Variants in FBXO15 observed in about 807,000 individuals in gnomAD.
The protein encoded by FBXO15 is F-box protein 15.
In FBXO15, 30 loss-of-function variants were observed where a neutral mutation model predicts 49.5. The ratio of observed to expected loss-of-function variants is 0.61; its 90% CI spans 0.45 to 0.82. The LOEUF is 0.82. Ranked by LOEUF, FBXO15 falls within the 40% of genes least tolerant of loss-of-function variation. The pLI, the probability that FBXO15 is intolerant of heterozygous loss-of-function variation, is 0.00. For missense variants in FBXO15, 591 were observed against 631.5 expected (o/e 0.94, Z 0.69); for synonymous variants, 250 against 232.7 (o/e 1.07, Z -0.68).
At chr18:74,108,857 T>G (rs1913886866) in intron 8 of FBXO15, among the ~76,000 whole-genome samples, 1 of 152,166 alleles carries the variant, frequency 6.6e-6, no homozygotes, top group South Asian at 2.1e-4. Flanking sequence ...GAATTACATC[T>G]GACTTTTCCT....
intron 2 of FBXO15, 57 bp from the exon 3 acceptor site, chr18:74,135,923 C>T (rs1599187300): frequency 1.4e-6 from 2 of 1,391,624 alleles, no homozygotes; most frequent in East Asian, 4.8e-5. Flanking sequence ...GCTTAATCTG[C>T]AGATTACCCA....
At chr18:74,096,615 C>T (rs73969111) in intron 8 of FBXO15, among the ~76,000 whole-genome samples, 7,216 of 149,448 alleles carry the variant, frequency 0.048, 591 homozygotes, top group African/African-American at 0.16. Flanking sequence ...GAAAGAAGAG[C>T]GAACAGGGAG....
At chr18:74,113,052 C>A (rs1391618524) in intron 8 of FBXO15, among the ~76,000 whole-genome samples, 1 of 152,118 alleles carries the variant, frequency 6.6e-6, no homozygotes, top group Non-Finnish European at 1.5e-5. Context: ...TGGAAGCAAC[C>A]AAGATGTCTT....
At chr18:74,089,847 A>C (rs1267081722) in intron 8 of FBXO15, among the ~76,000 whole-genome samples, 1 of 152,052 alleles carries the variant, frequency 6.6e-6, no homozygotes, top group Non-Finnish European at 1.5e-5. Flanking sequence ...TTTGGCATCT[A>C]TGTTCATCAA....
chr18:74,093,794 C>A (rs1014617977), intron 8 of FBXO15, among the ~76,000 whole-genome samples: 1 of 152,296 alleles, frequency 6.6e-6, no homozygotes, highest in Non-Finnish European at 1.5e-5. Flanking sequence ...GATATTTTGA[C>A]CTCCTCCCTT....
chr18:74,097,349 C>T (rs1913322870), intron 8 of FBXO15: 1 of 144,512 alleles, frequency 6.9e-6, no homozygotes, highest in Non-Finnish European at 1.5e-5. Context: ...GTTCTCAGCC[C>T]TGCACAGCCA....
At chr18:74,110,182 C>CATATGTGTGCATATATATATATATAT (rs1568168365) in intron 8 of FBXO15, among the ~76,000 whole-genome samples, 7 of 104,270 alleles carry the variant, frequency 6.7e-5, no homozygotes, top group African/African-American at 2.5e-4. Flanking sequence ...TATATATATA[C>CATATGTGTGCATATATATATATATAT]ACATATGTGT....
At chr18:74,104,540 T>C (rs2145151493) in intron 8 of FBXO15, among the ~76,000 whole-genome samples, 1 of 152,170 alleles carries the variant, frequency 6.6e-6, no homozygotes, top group South Asian at 2.1e-4. Flanking sequence ...AGAGACCCAC[T>C]TCACCTATGA....
rs767523539 is a variant in FBXO15, at chr18:74,075,513, G to A, written c.1264-1783C>T. 3.3e-5 allele frequency among the ~76,000 whole-genome samples: 5 copies of A among 152,290 alleles called. No homozygotes were observed. Among genetic ancestry groups the A allele is most frequent in the East Asian group, 3.9e-4 (2 of 5,168 alleles). On this transcript the variant is annotated intron_variant, in intron 9 of 9. Coordinates refer to ENST00000419743, the MANE Select transcript of FBXO15 (RefSeq NM_001142958.2). The surrounding 1 kb of genome is among the most constrained non-coding windows in gnomAD (Gnocchi z 4.1). ...GAGGGAAACAGCCTCCCTGGGCCCC[G>A]CAGGCCCCTGCTCTTTCCTCGCTTC...
chr18:74,079,052 A>G (rs1050923757), intron 9 of FBXO15, among the ~76,000 whole-genome samples: 1 of 152,230 alleles, frequency 6.6e-6, no homozygotes, highest in African/African-American at 2.4e-5. Flanking sequence ...TACATAAAGC[A>G]GAACCACAGA....
At chr18:74,124,406 C>T in intron 7 of FBXO15, 83 bp downstream of exon 7, 1 of 1,119,132 alleles carries the variant, frequency 8.9e-7, no homozygotes, top group Non-Finnish European at 1.3e-6. Context: ...TGCAGCTATT[C>T]TCAGGATATT....
Position 74,129,524 on chromosome 18 carries a change from T to C in FBXO15, c.666A>G (p.Thr222=). 1.2e-6 allele frequency: 2 copies of C among 1,613,884 alleles called. No homozygotes were observed. Among genetic ancestry groups the C allele is most frequent in the Non-Finnish European group, 8.5e-7 (1 of 1,179,956 alleles). ...TGCCATACCATATAACAGTAACTGA[T>C]GTGTCATTTATGGAAAGATCAACAT... is the stretch of plus-strand genomic sequence containing the variant. ...MEHVDLSIND[T]SVTVIWYGKK... Residue 222 remains threonine (T), a synonymous_variant, in exon 5 of 10, where the codon ACA becomes ACG. Transcript: ENST00000419743.
intron 8 of FBXO15, among the ~76,000 whole-genome samples, chr18:74,095,150 C>T (rs1913220665): frequency 6.6e-6 from 1 of 152,240 alleles, no homozygotes; most frequent in African/African-American, 2.4e-5. Flanking sequence ...TTGTGGCCAG[C>T]TGGATCTTCC....
intron 9 of FBXO15, among the ~76,000 whole-genome samples, chr18:74,080,493 C>T (rs1912443729): frequency 6.6e-6 from 1 of 152,226 alleles, no homozygotes; most frequent in Non-Finnish European, 1.5e-5. Flanking sequence ...AACTCAAAAT[C>T]CTGCTTTCAG....
At chr18:74,145,688 C>T (rs1979367957) in intron 1 of FBXO15, among the ~76,000 whole-genome samples, 1 of 149,888 alleles carries the variant, frequency 6.7e-6, no homozygotes, top group South Asian at 2.1e-4. Context: ...AGCTCCGCCT[C>T]CTGGGTTCAC....
chr18:74,133,653 C>T (rs368930092), intron 3 of FBXO15, among the ~76,000 whole-genome samples: 13 of 152,272 alleles, frequency 8.5e-5, no homozygotes, highest in African/African-American at 3.1e-4. Flanking sequence ...GTTTATTTGG[C>T]TCATAGTTCT....
In FBXO15 at chr18:74,129,561, T is replaced by A. The variant is rs1393072256; in HGVS notation, c.629A>T (p.Tyr210Phe). ...GGAAAGATCAACATGCTCCATGATATATTCTTTTCCACCTTTTTCTTTCAG... is the reference window on the plus strand; with the variant it reads ...GGAAAGATCAACATGCTCCATGATAAATTCTTTTCCACCTTTTTCTTTCAG... ...IILKEKGGKE[Y>F]IMEHVDLSIN... The change falls in exon 5 of 10, where the codon TAT becomes TTT. Residue 210 changes from tyrosine (Y) to phenylalanine (F), a missense_variant. By Grantham distance (22) the Tyr-to-Phe change is conservative. Transcript: ENST00000419743. The A allele has an allele frequency of 1.2e-6, 2 of 1,613,212 alleles. No homozygotes were observed. The highest frequency in any genetic ancestry group is 1.7e-6 in the Non-Finnish European group (2 of 1,179,930).
chr18:74,108,717 C>A (rs1403561356), intron 8 of FBXO15, among the ~76,000 whole-genome samples: 1 of 152,020 alleles, frequency 6.6e-6, no homozygotes, highest in African/African-American at 2.4e-5. Context: ...CAGAGAACAC[C>A]AAACAGGATA....
At chr18:74,123,846 T>A (rs1914578589) in intron 7 of FBXO15, among the ~76,000 whole-genome samples, 1 of 151,944 alleles carries the variant, frequency 6.6e-6, no homozygotes. Flanking sequence ...GGGACAAAAG[T>A]GCTCAGCAGG....
Sources: allele counts gnomAD v4.1 joint callset (sites outside exome capture counted in the v4.1 genomes callset), GRCh38; gene constraint gnomAD v4.1.1; non-coding constraint Gnocchi (gnomAD v3.1); transcripts MANE v1.5; gene names NCBI Gene and HGNC (gene_info 2026-07-23, HGNC 2026-07-21).